GPC6: variants seen among roughly 807,000 people sequenced by gnomAD.
The protein encoded by GPC6 is glypican-6.
A neutral mutation model predicts 55.2 loss-of-function variants in GPC6; 14 were observed. That is an observed-to-expected ratio of 0.25 (90% CI 0.17 to 0.40). The LOEUF (loss-of-function observed/expected upper bound fraction) is 0.40. Among genes scored for constraint, GPC6 ranks in the 10% least tolerant of loss-of-function variants. The pLI is 1.00. For synonymous variants in GPC6, 278 were observed against 259.6 expected (o/e 1.07, Z -0.68); for missense variants, 641 against 708.5 (o/e 0.90, Z 1.08).
intron 2 of GPC6, among the ~76,000 whole-genome samples, chr13:93,696,066 T>G (rs1882441181): frequency 6.6e-6 from 1 of 152,186 alleles, no homozygotes; most frequent in African/African-American, 2.4e-5. Flanking sequence ...TTTTCCTTTT[T>G]GAAATGTATT....
chr13:93,728,776 A>G (rs926881043), intron 2 of GPC6, among the ~76,000 whole-genome samples: 1 of 152,060 alleles, frequency 6.6e-6, no homozygotes, highest in Admixed American at 6.6e-5. Context: ...CATTTTGGCC[A>G]GGCTGGTTTC....
At chr13:93,635,273 A>G (rs147783394) in intron 2 of GPC6, among the ~76,000 whole-genome samples, 157 of 152,210 alleles carry the variant, frequency 1.0e-3, no homozygotes, top group African/African-American at 3.6e-3. Context: ...GTGTATGTCT[A>G]TAAGACTCAG....
At chr13:93,554,097 A>G (rs1171048738) in intron 2 of GPC6, among the ~76,000 whole-genome samples, 3 of 151,652 alleles carry the variant, frequency 2.0e-5, no homozygotes, top group South Asian at 4.2e-4. Context: ...GCAGTGGGCC[A>G]AGATTGTGCC....
At chr13:93,475,935 T>C (rs1369411080) in intron 1 of GPC6, among the ~76,000 whole-genome samples, 1 of 152,142 alleles carries the variant, frequency 6.6e-6, no homozygotes, top group African/African-American at 2.4e-5. Context: ...GGAGAATTAT[T>C]TGTTACGCTT....
intron 2 of GPC6, among the ~76,000 whole-genome samples, chr13:93,625,394 C>T (rs928710614): frequency 7.9e-5 from 12 of 152,138 alleles, no homozygotes; most frequent in Non-Finnish European, 1.6e-4. Context: ...CTATGAAAAA[C>T]AGGACCTTCA....
intron 2 of GPC6, among the ~76,000 whole-genome samples, chr13:93,682,443 G>T (rs1288238286): frequency 6.6e-6 from 1 of 152,130 alleles, no homozygotes; most frequent in Non-Finnish European, 1.5e-5. Flanking sequence ...TGAAGGTGCT[G>T]TCAGGGGTTT....
intron 2 of GPC6, among the ~76,000 whole-genome samples, chr13:93,728,416 T>C (rs1407074845): frequency 6.6e-6 from 1 of 150,848 alleles, no homozygotes; most frequent in Admixed American, 6.6e-5. Flanking sequence ...TATATTTTTA[T>C]TTTTTGTAGA....
At chr13:93,505,076 A>G (rs1880658021) in intron 1 of GPC6, among the ~76,000 whole-genome samples, 1 of 152,186 alleles carries the variant, frequency 6.6e-6, no homozygotes, top group African/African-American at 2.4e-5. Context: ...AACGGATGTG[A>G]AAGGAATACA....
rs995095262 is a variant in GPC6, at chr13:94,316,533, C to T, written c.1152+10410C>T. ...GAGATCGAGACCATCCCGGCTAAAA[C>T]GGTGAAACCCCGTCTCTACTAAAAA... On this transcript the variant is annotated intron_variant, in intron 6 of 8. Coordinates refer to ENST00000377047, the MANE Select transcript of GPC6 (RefSeq NM_005708.5). Among the ~76,000 whole-genome samples, 75 of 151,672 alleles carry T rather than the reference C, an allele frequency of 4.9e-4. 2 individuals carry two copies. The highest frequency in any genetic ancestry group is 6.3e-4 in the Non-Finnish European group (43 of 67,888).
chr13:93,908,022 T>C (rs1876765715), intron 3 of GPC6, among the ~76,000 whole-genome samples: 1 of 151,988 alleles, frequency 6.6e-6, no homozygotes, highest in South Asian at 2.1e-4. Flanking sequence ...CAAAAATATA[T>C]TAAAATCTTT....
chr13:94,100,310 GT>G (rs1245898643), intron 4 of GPC6, among the ~76,000 whole-genome samples: 1 of 152,112 alleles, frequency 6.6e-6, no homozygotes, highest in African/African-American at 2.4e-5. Flanking sequence ...CAAAGTAGCT[GT>G]ATGAAATTTT....
In GPC6 at chr13:93,929,578, G is replaced by A. The variant is rs139726009; in HGVS notation, c.712-98151G>A. Among the ~76,000 whole-genome samples, 777 of 152,112 alleles carry A rather than the reference G, an allele frequency of 5.1e-3. 5 individuals are homozygous for A. The highest frequency in any genetic ancestry group is 8.1e-3 in the Non-Finnish European group (549 of 67,992). ...CTACTATTTGCCCTACATTTATTATGTCTACTATAAAACAAGCAGTTTTTT... is the reference window on the plus strand; with the variant it reads ...CTACTATTTGCCCTACATTTATTATATCTACTATAAAACAAGCAGTTTTTT... On this transcript the variant is annotated intron_variant, in intron 3 of 8. Transcript: ENST00000377047.
At chr13:94,019,835 A>G (rs981230417) in intron 3 of GPC6, among the ~76,000 whole-genome samples, 6 of 152,280 alleles carry the variant, frequency 3.9e-5, no homozygotes, top group African/African-American at 1.4e-4. Flanking sequence ...TTATATAATC[A>G]TCTTTATCTC....
chr13:94,200,733 A>T (rs1274340942), intron 4 of GPC6, among the ~76,000 whole-genome samples: 1 of 152,264 alleles, frequency 6.6e-6, no homozygotes, highest in East Asian at 1.9e-4. Flanking sequence ...GTCCTACAGC[A>T]TTCTTTGTAT....
intron 1 of GPC6, among the ~76,000 whole-genome samples, chr13:93,530,136 G>A (rs531291130): frequency 1.3e-5 from 2 of 152,128 alleles, no homozygotes; most frequent in South Asian, 2.1e-4. Context: ...TAGGTCTTTC[G>A]TAACAGTAGC....
At chr13:93,709,444 A>G (rs755960087) in intron 2 of GPC6, among the ~76,000 whole-genome samples, 5 of 151,742 alleles carry the variant, frequency 3.3e-5, no homozygotes, top group Non-Finnish European at 7.4e-5. Flanking sequence ...AGGCAGCATT[A>G]TTCTTAGAAA....
intron 2 of GPC6, among the ~76,000 whole-genome samples, chr13:93,641,712 G>A (rs1310511959): frequency 6.6e-6 from 1 of 152,000 alleles, no homozygotes; most frequent in Non-Finnish European, 1.5e-5. Context: ...CAGTAGGTCA[G>A]CTCAAAGTCC....
chr13:93,965,106 G>GTTT (rs5805837), intron 3 of GPC6, among the ~76,000 whole-genome samples: 5 of 67,296 alleles, frequency 7.4e-5, no homozygotes, highest in Non-Finnish European at 1.1e-4. Context: ...CTATGAGTTT[G>GTTT]TTTTTTTTTT....
chr13:94,292,052 T>C (rs1875008350), intron 5 of GPC6, among the ~76,000 whole-genome samples: 1 of 152,220 alleles, frequency 6.6e-6, no homozygotes, highest in African/African-American at 2.4e-5. Context: ...ATTGAGTGCT[T>C]ACTGCCAGGG....
Sources: gnomAD v4.1 joint callset for allele counts (sites outside exome capture counted in the v4.1 genomes callset) on GRCh38, gnomAD v4.1.1 for gene constraint, MANE v1.5 for transcripts, NCBI Gene and HGNC (gene_info 2026-07-23, HGNC 2026-07-21) for gene names.